AGBL4: variants seen among roughly 807,000 people sequenced by gnomAD.
AGBL4 encodes the protein AGBL carboxypeptidase 4, also known as cytosolic carboxypeptidase 6.
A neutral mutation model predicts 66.4 loss-of-function variants in AGBL4; 58 were observed. The ratio of observed to expected loss-of-function variants is 0.87; its 90% CI spans 0.71 to 1.09. AGBL4 has a LOEUF of 1.09. Among genes scored for constraint, AGBL4 ranks in the 50% least tolerant of loss-of-function variants. The probability of loss-of-function intolerance (pLI) is 0.00; values close to 1 mark genes in which losing one functional copy is unlikely to be tolerated. For missense variants in AGBL4, 579 were observed against 631.0 expected (o/e 0.92, Z 0.88); for synonymous variants, 234 against 222.9 (o/e 1.05, Z -0.44).
chr1:49,233,581 T>A (rs1228088831), intron 4 of AGBL4, among the ~76,000 whole-genome samples: 2 of 152,170 alleles, frequency 1.3e-5, no homozygotes, highest in African/African-American at 4.8e-5. Context: ...CTCAAGGAAT[T>A]TGCAATTGGA....
rs908686121 is a variant in AGBL4, at chr1:49,095,217, C to A, written c.378-49417G>T. Among the ~76,000 whole-genome samples the A allele has an allele frequency of 2.6e-5, 4 of 152,214 alleles. No individual in the cohort carries two copies. The South Asian group carries it at 6.2e-4, about 24-fold the overall frequency. On this transcript the variant is annotated intron_variant, in intron 4 of 13. Transcript: ENST00000371839. ...AACAAATGGAAGAACATTCCATGCT[C>A]ATGGGTAGGAAGAATCAATATTATG...
At chr1:49,914,903 C>G (rs1475227287) in intron 1 of AGBL4, among the ~76,000 whole-genome samples, 1 of 152,096 alleles carries the variant, frequency 6.6e-6, no homozygotes, top group Non-Finnish European at 1.5e-5. Context: ...GGGCTGAACT[C>G]TCATGTAACT....
intron 3 of AGBL4, among the ~76,000 whole-genome samples, chr1:49,591,696 G>A (rs1571123239): frequency 1.3e-5 from 2 of 152,082 alleles, no homozygotes; most frequent in Non-Finnish European, 2.9e-5. Flanking sequence ...TATACTACAG[G>A]GCTACTGAAA....
In AGBL4 at chr1:48,838,185, A is replaced by G. The variant is rs187071286; in HGVS notation, c.634+29006T>C. Reference sequence around the variant, plus strand: ...GAAATTCAACACAGAAATAGAAAAAAGCAATCCTAAAATTTTTCTGGAACC... The same window carrying G: ...GAAATTCAACACAGAAATAGAAAAAGGCAATCCTAAAATTTTTCTGGAACC... On this transcript the variant is annotated intron_variant, in intron 6 of 13. Transcript: ENST00000371839. 1.4e-3 allele frequency among the ~76,000 whole-genome samples: 212 copies of G among 152,268 alleles called. 1 individual carries two copies. Among genetic ancestry groups the G allele is most frequent in the Non-Finnish European group, 2.4e-3 (161 of 68,010 alleles).
intron 2 of AGBL4, among the ~76,000 whole-genome samples, chr1:49,751,723 G>A (rs1651485101): frequency 1.3e-5 from 2 of 152,142 alleles, no homozygotes; most frequent in Admixed American, 6.5e-5. Flanking sequence ...GCTTTTCTTG[G>A]TTGGTAGGCT....
intron 3 of AGBL4, among the ~76,000 whole-genome samples, chr1:49,644,095 G>A (rs1645837217): frequency 6.6e-6 from 1 of 151,502 alleles, no homozygotes; most frequent in Non-Finnish European, 1.5e-5. Context: ...TTCTTGTGAG[G>A]TTGTTATAAT....
At chr1:49,497,498 T>A (rs1021072018) in intron 3 of AGBL4, among the ~76,000 whole-genome samples, 1 of 152,030 alleles carries the variant, frequency 6.6e-6, no homozygotes, top group Non-Finnish European at 1.5e-5. Context: ...TATTTTCTTC[T>A]AGCAGCTTTA....
chr1:49,911,281 C>T (rs1650802027), intron 1 of AGBL4, among the ~76,000 whole-genome samples: 1 of 152,098 alleles, frequency 6.6e-6, no homozygotes, highest in Non-Finnish European at 1.5e-5. Context: ...ATAAGAAATA[C>T]ATTATTTCTG....
chr1:49,173,597 A>G (rs1338797217), intron 4 of AGBL4, among the ~76,000 whole-genome samples: 6 of 152,258 alleles, frequency 3.9e-5, no homozygotes, highest in Non-Finnish European at 7.3e-5. Flanking sequence ...TATAGTGGGA[A>G]AAGACTGACA....
At chr1:48,607,236 T>C (rs1645167200) in intron 9 of AGBL4, among the ~76,000 whole-genome samples, 1 of 152,146 alleles carries the variant, frequency 6.6e-6, no homozygotes, top group South Asian at 2.1e-4. Context: ...TTAAAAAATA[T>C]AGTTCCTTTG....
At chr1:48,687,464 G>T (rs1321945103) in intron 6 of AGBL4, among the ~76,000 whole-genome samples, 1 of 152,186 alleles carries the variant, frequency 6.6e-6, no homozygotes. Flanking sequence ...GACGCAGGGA[G>T]GCCCTGTGCT....
intron 4 of AGBL4, among the ~76,000 whole-genome samples, chr1:49,187,976 C>T (rs748577792): frequency 1.2e-4 from 19 of 152,022 alleles, no homozygotes; most frequent in Admixed American, 5.9e-4. Context: ...ATGAGTCTCA[C>T]GAGCTATGAT....
chr1:48,970,374 G>T (rs80356231), intron 5 of AGBL4, among the ~76,000 whole-genome samples: 4,169 of 152,200 alleles, frequency 0.027, 169 homozygotes, highest in African/African-American at 0.095. Context: ...AGTTAATCAA[G>T]ATAAACTTCC....
chr1:49,877,380 T>A (rs1229648459), intron 1 of AGBL4, among the ~76,000 whole-genome samples: 4 of 152,108 alleles, frequency 2.6e-5, no homozygotes, highest in African/African-American at 4.8e-5. Context: ...GGTTGTTGAA[T>A]TCTGTCAAAG....
At chr1:49,539,520 G>GT (rs1651847329) in intron 3 of AGBL4, among the ~76,000 whole-genome samples, 1 of 152,090 alleles carries the variant, frequency 6.6e-6, no homozygotes, top group Non-Finnish European at 1.5e-5. Context: ...GTATCCTCCA[G>GT]TTTAGCAATG....
chr1:49,550,709 T>C (rs1652886562), intron 3 of AGBL4, among the ~76,000 whole-genome samples: 1 of 152,194 alleles, frequency 6.6e-6, no homozygotes, highest in South Asian at 2.1e-4. Flanking sequence ...GGTTACCTAG[T>C]GCTTCTGTCT....
intron 2 of AGBL4, among the ~76,000 whole-genome samples, chr1:49,738,690 ACTC>A (rs1285573847): frequency 6.6e-6 from 1 of 152,120 alleles, no homozygotes; most frequent in Admixed American, 6.5e-5. Context: ...ACGGCCGGGT[ACTC>A]CTCTGAGACA....
At chr1:49,495,601 A>C (rs575339236) in intron 3 of AGBL4, among the ~76,000 whole-genome samples, 12 of 152,140 alleles carry the variant, frequency 7.9e-5, no homozygotes, top group African/African-American at 2.6e-4. Context: ...TTAGTGATAA[A>C]GTATAAAAAT....
chr1:49,543,108 CTTTATAT>C (rs1652194231), intron 3 of AGBL4, among the ~76,000 whole-genome samples: 2 of 151,996 alleles, frequency 1.3e-5, no homozygotes, highest in Non-Finnish European at 2.9e-5. Flanking sequence ...AATCACAGAG[CTTTATAT>C]GTCTTGTCCC....
Sources: allele counts gnomAD v4.1 joint callset (sites outside exome capture counted in the v4.1 genomes callset), GRCh38; gene constraint gnomAD v4.1.1; transcripts MANE v1.5; gene names NCBI Gene and HGNC (gene_info 2026-07-23, HGNC 2026-07-21).